The following MAD1L1 variants were observed in gnomAD, a reference collection of about 807,000 sequenced individuals.
MAD1L1 encodes the protein mitotic arrest deficient 1 like 1.
In MAD1L1, 95 loss-of-function variants were observed where a neutral mutation model predicts 96.9. The observed-to-expected ratio is 0.98, with a 90% CI of 0.83 to 1.16. The LOEUF is 1.16. Ranked by LOEUF, MAD1L1 falls within the 50% of genes most tolerant of loss-of-function variation. The pLI, the probability that MAD1L1 is intolerant of heterozygous loss-of-function variation, is 0.00. For synonymous variants in MAD1L1, 473 were observed against 396.6 expected (o/e 1.19, Z -2.29); for missense variants, 1,007 against 954.4 (o/e 1.06, Z -0.73).
At chr7:2,220,987 G>A (rs746532226) in intron 5 of MAD1L1, 7 of 1,612,534 alleles carry the variant, frequency 4.3e-6, no homozygotes, top group Non-Finnish European at 5.9e-6. Context: ...AGGCGCATAA[G>A]ATAATTCCAG....
intron 18 of MAD1L1, among the ~76,000 whole-genome samples, chr7:1,891,618 C>G (rs1562495986): frequency 6.6e-6 from 1 of 151,966 alleles, no homozygotes; most frequent in Non-Finnish European, 1.5e-5. Flanking sequence ...CACTCTGTCA[C>G]CCAGGCTAGA....
At chr7:2,095,130 C>A (rs1487645441) in intron 11 of MAD1L1, among the ~76,000 whole-genome samples, 5 of 152,150 alleles carry the variant, frequency 3.3e-5, no homozygotes, top group Non-Finnish European at 7.3e-5. Flanking sequence ...ACAAGCTCCG[C>A]CTCCGGGGTT....
At chr7:1,839,221 G>A (rs1169574485) in intron 18 of MAD1L1, among the ~76,000 whole-genome samples, 1 of 152,162 alleles carries the variant, frequency 6.6e-6, no homozygotes, top group Non-Finnish European at 1.5e-5. Flanking sequence ...CTTGGTGGGA[G>A]GGCGGGGCTA....
chr7:2,083,248 C>T (rs1002260192), intron 11 of MAD1L1, among the ~76,000 whole-genome samples: 4 of 152,226 alleles, frequency 2.6e-5, no homozygotes, highest in East Asian at 1.9e-4. Context: ...GGCACCCATT[C>T]GCCCATCACT....
chr7:2,040,627 T>G (rs1783631911), intron 12 of MAD1L1, among the ~76,000 whole-genome samples: 1 of 152,212 alleles, frequency 6.6e-6, no homozygotes, highest in South Asian at 2.1e-4. Context: ...ATTTACCTAG[T>G]CCTTTGCTGG....
intron 17 of MAD1L1, among the ~76,000 whole-genome samples, chr7:1,909,750 G>C (rs972061569): frequency 2.6e-5 from 4 of 152,250 alleles, no homozygotes; most frequent in Non-Finnish European, 4.4e-5. Flanking sequence ...CTGCCAGCCA[G>C]GGCCTGCTGC....
At chr7:2,070,498 A>T (rs1785072845) in intron 11 of MAD1L1, among the ~76,000 whole-genome samples, 1 of 152,188 alleles carries the variant, frequency 6.6e-6, no homozygotes, top group Non-Finnish European at 1.5e-5. Flanking sequence ...GAGCTCTCCC[A>T]GGAAAGGACA....
At chr7:2,042,899 ACG>A (rs1325555260) in intron 12 of MAD1L1, among the ~76,000 whole-genome samples, 78 of 145,972 alleles carry the variant, frequency 5.3e-4, no homozygotes, top group African/African-American at 2.0e-3. Context: ...GTCCACGTCC[ACG>A]TCCACATCCA....
At chr7:2,156,994 TTC>T (rs1449315341) in intron 10 of MAD1L1, among the ~76,000 whole-genome samples, 15 of 152,176 alleles carry the variant, frequency 9.9e-5, no homozygotes, top group African/African-American at 3.6e-4. Flanking sequence ...CTGCCTGCGG[TTC>T]TCTGTCAATC....
At chr7:1,841,915 G>A (rs1197670058) in intron 18 of MAD1L1, among the ~76,000 whole-genome samples, 6 of 152,130 alleles carry the variant, frequency 3.9e-5, no homozygotes, top group East Asian at 3.9e-4. Context: ...CTGAGAACCC[G>A]GTAGCCAGGC....
At chr7:1,972,653 T>A (rs1583959580) in intron 15 of MAD1L1, among the ~76,000 whole-genome samples, 1 of 139,430 alleles carries the variant, frequency 7.2e-6, no homozygotes, top group Non-Finnish European at 1.5e-5. Context: ...ATTTTCTCTA[T>A]TTTTTTTTTA....
chr7:1,895,571 G>GA (rs1786814318), intron 18 of MAD1L1, among the ~76,000 whole-genome samples: 1 of 152,260 alleles, frequency 6.6e-6, no homozygotes, highest in Non-Finnish European at 1.5e-5. Context: ...CACACATGGG[G>GA]AAAGTGGGTA....
chr7:2,138,032 G>C (rs776325264), intron 11 of MAD1L1, among the ~76,000 whole-genome samples: 1 of 152,344 alleles, frequency 6.6e-6, no homozygotes, highest in East Asian at 1.9e-4. Flanking sequence ...CTGACAGCGC[G>C]GGCCAGCCCA....
At chr7:1,966,903 C>T (rs560085106) in intron 15 of MAD1L1, among the ~76,000 whole-genome samples, 1 of 152,336 alleles carries the variant, frequency 6.6e-6, no homozygotes, top group Non-Finnish European at 1.5e-5. Context: ...CGAGGGAAAC[C>T]GTGAGGAATC....
chr7:2,037,929 T>C (rs1247171812), intron 12 of MAD1L1, among the ~76,000 whole-genome samples: 3 of 152,072 alleles, frequency 2.0e-5, no homozygotes, highest in African/African-American at 4.8e-5. Flanking sequence ...TTAAGCTTAG[T>C]GAGGAAGGCG....
At chr7:1,946,741 G>A (rs771613711) in intron 16 of MAD1L1, among the ~76,000 whole-genome samples, 4 of 152,246 alleles carry the variant, frequency 2.6e-5, no homozygotes, top group Admixed American at 6.5e-5. Flanking sequence ...TCCCCTCCAG[G>A]CTGGGCCTAG....
intron 18 of MAD1L1, among the ~76,000 whole-genome samples, chr7:1,869,009 A>G (rs1046841998): frequency 6.6e-6 from 1 of 152,186 alleles, no homozygotes; most frequent in Non-Finnish European, 1.5e-5. Flanking sequence ...GGCTCTGTGA[A>G]AGGCAGGCTC....
At chr7:1,889,431 G>A (rs976535250) in intron 18 of MAD1L1, among the ~76,000 whole-genome samples, 1 of 152,216 alleles carries the variant, frequency 6.6e-6, no homozygotes, top group Admixed American at 6.5e-5. Flanking sequence ...GGTCCCTCAG[G>A]AGGACCCCAG....
chr7:1,846,205 G>A (rs1206382324), intron 18 of MAD1L1: 1 of 152,544 alleles, frequency 6.6e-6, no homozygotes, highest in African/African-American at 2.4e-5. Flanking sequence ...CTTCCCGCAG[G>A]GCCAGGGGCT....
Sources: allele counts gnomAD v4.1 joint callset (sites outside exome capture counted in the v4.1 genomes callset), GRCh38; gene constraint gnomAD v4.1.1; transcripts MANE v1.5; gene names NCBI Gene and HGNC (gene_info 2026-07-23, HGNC 2026-07-21).